Variants in TSHZ2 observed in about 807,000 individuals in gnomAD.
TSHZ2 encodes teashirt zinc finger homeobox 2, also known as teashirt homolog 2.
In TSHZ2, 21 loss-of-function variants were observed where a neutral mutation model predicts 74.4. The observed-to-expected ratio is 0.28, with a 90% CI of 0.20 to 0.41. The LOEUF (loss-of-function observed/expected upper bound fraction) is 0.41, where lower values mean the gene tolerates loss of function less well. Among genes scored for constraint, TSHZ2 ranks in the 10% least tolerant of loss-of-function variants. The pLI is 1.00. For synonymous variants in TSHZ2, 540 were observed against 515.3 expected (o/e 1.05, Z -0.65); for missense variants, 1,244 against 1,293.5 (o/e 0.96, Z 0.59).
intron 1 of TSHZ2, among the ~76,000 whole-genome samples, chr20:53,158,715 G>A (rs963906210): frequency 3.9e-5 from 6 of 152,080 alleles, no homozygotes; most frequent in African/African-American, 1.2e-4. Flanking sequence ...TAATGTCGTG[G>A]CCCTCAAGGA....
At chr20:53,163,175 C>T (rs1987982363) in intron 1 of TSHZ2, among the ~76,000 whole-genome samples, 1 of 151,980 alleles carries the variant, frequency 6.6e-6, no homozygotes, top group African/African-American at 2.4e-5. Flanking sequence ...GCGTCACACC[C>T]AGGAGGTGTG....
chr20:53,323,800 A>G (rs896841257), intron 2 of TSHZ2, among the ~76,000 whole-genome samples: 1 of 151,512 alleles, frequency 6.6e-6, no homozygotes, highest in Admixed American at 6.6e-5. Context: ...CTGGTCTCAA[A>G]CTCCTAACCT....
intron 2 of TSHZ2, among the ~76,000 whole-genome samples, chr20:53,449,084 C>G (rs549256797): frequency 5.3e-5 from 8 of 152,314 alleles, no homozygotes; most frequent in Middle Eastern, 3.4e-3. Context: ...ATCAGAGTCT[C>G]TAATGACTCA....
rs997908940 is a variant in TSHZ2, at chr20:53,402,816, G to A, written c.*9-84328G>A. Among the ~76,000 whole-genome samples, 11 of 152,276 alleles carry A rather than the reference G, an allele frequency of 7.2e-5. No individual in the cohort carries two copies. In the South Asian group the frequency reaches 1.7e-3, roughly 23 times the overall value. ...TGCTTCTGCCCCAAGTGGGGTGGAG[G>A]AAGTGAGTGAGTCAGAAAGGAGGGT... On this transcript the variant is annotated intron_variant, in intron 2 of 2. Coordinates refer to ENST00000371497, the MANE Select transcript of TSHZ2 (RefSeq NM_173485.6).
intron 1 of TSHZ2, among the ~76,000 whole-genome samples, chr20:53,115,394 T>C (rs902105337): frequency 1.1e-4 from 17 of 152,098 alleles, no homozygotes; most frequent in African/African-American, 3.6e-4. Flanking sequence ...TCTCATGGGA[T>C]CTGATGGTTC....
At chr20:53,360,810 A>G (rs1426924147) in intron 2 of TSHZ2, among the ~76,000 whole-genome samples, 1 of 152,202 alleles carries the variant, frequency 6.6e-6, no homozygotes. Flanking sequence ...TTTGACTTCA[A>G]AGTCAGTTCT....
intron 2 of TSHZ2, chr20:53,453,007 T>C (rs1460256602): frequency 6.6e-6 from 1 of 152,184 alleles, no homozygotes; most frequent in Admixed American, 6.5e-5. Flanking sequence ...CTTCAGGGGT[T>C]TGATGTATGA....
intron 2 of TSHZ2, among the ~76,000 whole-genome samples, chr20:53,349,505 A>G (rs1328712604): frequency 1.3e-5 from 2 of 152,024 alleles, no homozygotes; most frequent in Admixed American, 1.3e-4. Context: ...TATGAAAACT[A>G]CCTGGGCATG....
At chr20:53,472,582 A>C (rs1985845048) in intron 2 of TSHZ2, among the ~76,000 whole-genome samples, 1 of 152,198 alleles carries the variant, frequency 6.6e-6, no homozygotes, top group African/African-American at 2.4e-5. Flanking sequence ...AGTCACCAGC[A>C]CGCAGACGAT....
At chr20:53,025,488 A>C (rs761469265) in intron 1 of TSHZ2, among the ~76,000 whole-genome samples, 1 of 152,284 alleles carries the variant, frequency 6.6e-6, no homozygotes, top group South Asian at 2.1e-4. Context: ...GGCACATTGA[A>C]GCTGCCCTTC....
At chr20:53,480,829 C>G (rs190153087) in intron 2 of TSHZ2, among the ~76,000 whole-genome samples, 1 of 152,214 alleles carries the variant, frequency 6.6e-6, no homozygotes, top group African/African-American at 2.4e-5. Flanking sequence ...AATGCTGTGC[C>G]AGGGGATGAG....
chr20:53,355,922 G>C (rs936438895), intron 2 of TSHZ2, among the ~76,000 whole-genome samples: 4 of 152,190 alleles, frequency 2.6e-5, no homozygotes, highest in African/African-American at 4.8e-5. Flanking sequence ...GGGAGAGTCT[G>C]TGCAAAGATC....
intron 1 of TSHZ2, among the ~76,000 whole-genome samples, chr20:53,228,495 G>A (rs543384681): frequency 6.6e-6 from 1 of 152,192 alleles, no homozygotes; most frequent in Non-Finnish European, 1.5e-5. Flanking sequence ...CAACCTTGGC[G>A]CTATTGAGAT....
chr20:53,426,397 G>A (rs945909394), intron 2 of TSHZ2, among the ~76,000 whole-genome samples: 10 of 152,060 alleles, frequency 6.6e-5, no homozygotes, highest in African/African-American at 2.4e-4. Context: ...ACTTCTTGGT[G>A]GTTATAAATT....
chr20:53,026,741 TAAAG>T (rs1245746793), intron 1 of TSHZ2, among the ~76,000 whole-genome samples: 2 of 152,228 alleles, frequency 1.3e-5, no homozygotes, highest in South Asian at 2.1e-4. Flanking sequence ...TTATTATACT[TAAAG>T]TATGTACTAT....
At chr20:53,357,860 ACT>A (rs1435582986) in intron 2 of TSHZ2, among the ~76,000 whole-genome samples, 1 of 152,142 alleles carries the variant, frequency 6.6e-6, no homozygotes, top group Admixed American at 6.5e-5. Context: ...AGACCTTCTG[ACT>A]CTGTTTATTC....
At chr20:53,349,980 A>C (rs949629905) in intron 2 of TSHZ2, among the ~76,000 whole-genome samples, 1 of 152,174 alleles carries the variant, frequency 6.6e-6, no homozygotes, top group Non-Finnish European at 1.5e-5. Context: ...AGCTGCCTGC[A>C]TTACTTGGCT....
chr20:53,081,481 A>G (rs1985531875), intron 1 of TSHZ2, among the ~76,000 whole-genome samples: 1 of 152,198 alleles, frequency 6.6e-6, no homozygotes, highest in South Asian at 2.1e-4. Context: ...AGAAATACAC[A>G]AAAGCAAACA....
chr20:53,096,916 AAAAAACAAAAC>A (rs1216396350), intron 1 of TSHZ2, among the ~76,000 whole-genome samples: 2 of 150,010 alleles, frequency 1.3e-5, no homozygotes, highest in African/African-American at 2.4e-5. Context: ...CAAAAAAAAC[AAAAAACAAAAC>A]AAAAACAAAA....
Sources: gnomAD v4.1 joint callset for allele counts (sites outside exome capture counted in the v4.1 genomes callset) on GRCh38, gnomAD v4.1.1 for gene constraint, MANE v1.5 for transcripts, NCBI Gene and HGNC (gene_info 2026-07-23, HGNC 2026-07-21) for gene names.